Variants in TBC1D12 observed in about 807,000 individuals in gnomAD.
TBC1D12 encodes the protein TBC1 domain family, member 12.
TBC1D12 carries 56 observed loss-of-function variants against 86.7 expected under a neutral mutation model. That is an observed-to-expected ratio of 0.65 (90% CI 0.52 to 0.81). The LOEUF (loss-of-function observed/expected upper bound fraction) is 0.81, where lower values mean the gene tolerates loss of function less well. Ranked by LOEUF, TBC1D12 falls within the 30% of genes least tolerant of loss-of-function variation. The pLI is 0.00. For missense variants in TBC1D12, 1,023 were observed against 1,038.8 expected, an observed-to-expected ratio of 0.98 and a Z score of 0.21; for synonymous variants, 421 against 411.7, an observed-to-expected ratio of 1.02 and a Z score of -0.27.
chr10:94,431,072 A>ACCATT (rs1025756195), intron 1 of TBC1D12, among the ~76,000 whole-genome samples: 2 of 152,126 alleles, frequency 1.3e-5, no homozygotes, highest in African/African-American at 2.4e-5. Context: ...GATTAACACT[A>ACCATT]CCATTCCCTG....
At chr10:94,516,202 A>G (rs975683435) in intron 9 of TBC1D12, among the ~76,000 whole-genome samples, 1 of 152,158 alleles carries the variant, frequency 6.6e-6, no homozygotes, top group African/African-American at 2.4e-5. Flanking sequence ...TAGTAATCTC[A>G]TTATACTTCT....
intron 1 of TBC1D12, among the ~76,000 whole-genome samples, chr10:94,429,741 C>CT (rs375987756): frequency 6.2e-4 from 92 of 148,318 alleles, no homozygotes; most frequent in Admixed American, 1.5e-3. Flanking sequence ...ATCCCCTCCA[C>CT]TTTTTTTTTT....
intron 3 of TBC1D12, among the ~76,000 whole-genome samples, chr10:94,489,809 ACACACATGTTTGCCTTGG>A (rs1482265108): frequency 1.3e-5 from 2 of 152,188 alleles, no homozygotes; most frequent in Non-Finnish European, 2.9e-5. Context: ...GAGCAGTAAG[ACACACATGTTTGCCTTGG>A]CACACAAATT....
intron 9 of TBC1D12, among the ~76,000 whole-genome samples, chr10:94,520,223 G>A (rs558068444): frequency 6.6e-6 from 1 of 152,310 alleles, no homozygotes; most frequent in African/African-American, 2.4e-5. Flanking sequence ...TATGGTAATG[G>A]AGTGGGAATA....
chr10:94,494,118 G>T (rs1336065999), intron 4 of TBC1D12, among the ~76,000 whole-genome samples: 1 of 151,904 alleles, frequency 6.6e-6, no homozygotes, highest in East Asian at 1.9e-4. Flanking sequence ...CATTTGGTTA[G>T]GTGCATAAAA....
intron 2 of TBC1D12, among the ~76,000 whole-genome samples, chr10:94,450,490 C>G (rs538524273): frequency 8.7e-4 from 132 of 151,982 alleles, no homozygotes; most frequent in African/African-American, 2.5e-3. Flanking sequence ...ATCAAAGATA[C>G]AGGGTAGATG....
At chr10:94,505,833 G>A (rs2056452777) in intron 6 of TBC1D12, among the ~76,000 whole-genome samples, 1 of 152,034 alleles carries the variant, frequency 6.6e-6, no homozygotes, top group Non-Finnish European at 1.5e-5. Context: ...CTACTAACGT[G>A]GAACAACCTC....
At chr10:94,408,119 G>T (rs1221512663) in intron 1 of TBC1D12, among the ~76,000 whole-genome samples, 1 of 152,170 alleles carries the variant, frequency 6.6e-6, no homozygotes, top group African/African-American at 2.4e-5. Context: ...AGCTTGTTAG[G>T]ATTGCATTGG....
At chr10:94,484,881 A>G (rs927206150) in intron 3 of TBC1D12, among the ~76,000 whole-genome samples, 4 of 152,128 alleles carry the variant, frequency 2.6e-5, no homozygotes, top group African/African-American at 7.2e-5. Flanking sequence ...AAATGGGATT[A>G]CTTTTTTATT....
intron 1 of TBC1D12, among the ~76,000 whole-genome samples, chr10:94,421,848 A>C (rs2055078152): frequency 6.6e-6 from 1 of 152,132 alleles, no homozygotes; most frequent in South Asian, 2.1e-4. Flanking sequence ...TGTTTATTCA[A>C]ATCCTTTGCC....
chr10:94,439,471 G>C (rs1433911833), intron 1 of TBC1D12, among the ~76,000 whole-genome samples: 1 of 152,184 alleles, frequency 6.6e-6, no homozygotes, highest in Admixed American at 6.5e-5. Flanking sequence ...CTTTGGTGGA[G>C]TCAATTTTTT....
intron 2 of TBC1D12, among the ~76,000 whole-genome samples, chr10:94,454,625 C>T (rs1223222500): frequency 1.3e-5 from 2 of 152,182 alleles, no homozygotes; most frequent in Non-Finnish European, 2.9e-5. Context: ...TTTTGTTACA[C>T]TTATACCTAA....
intron 4 of TBC1D12, among the ~76,000 whole-genome samples, chr10:94,494,699 A>G (rs1011414271): frequency 3.3e-5 from 5 of 151,912 alleles, no homozygotes; most frequent in African/African-American, 1.2e-4. Flanking sequence ...GTGCACCACC[A>G]CGCCCAGTTA....
chr10:94,408,253 T>C (rs1267566967), intron 1 of TBC1D12, among the ~76,000 whole-genome samples: 1 of 152,124 alleles, frequency 6.6e-6, no homozygotes, highest in Non-Finnish European at 1.5e-5. Flanking sequence ...GAAGGAATAA[T>C]TGGAGATTTT....
intron 1 of TBC1D12, among the ~76,000 whole-genome samples, chr10:94,428,891 G>A (rs2055180482): frequency 1.3e-5 from 2 of 151,906 alleles, no homozygotes; most frequent in African/African-American, 4.8e-5. Context: ...TTTTTGTAGA[G>A]ACGGGGTTTC....
At chr10:94,492,421 CT>C (rs1051483568) in intron 3 of TBC1D12, among the ~76,000 whole-genome samples, 1 of 152,174 alleles carries the variant, frequency 6.6e-6, no homozygotes, top group Admixed American at 6.5e-5. Flanking sequence ...TAACCCAAGA[CT>C]TTTGTTTAAC....
chr10:94,473,292 G>A (rs369942858), intron 2 of TBC1D12, among the ~76,000 whole-genome samples: 2 of 151,348 alleles, frequency 1.3e-5, no homozygotes, highest in African/African-American at 2.4e-5. Flanking sequence ...CCCGGGAGGC[G>A]GAGGTTGCAG....
chr10:94,487,406 C>G (rs1224590412), intron 3 of TBC1D12, among the ~76,000 whole-genome samples: 1 of 150,350 alleles, frequency 6.7e-6, no homozygotes, highest in Non-Finnish European at 1.5e-5. Flanking sequence ...TCCTTCCAGT[C>G]TTTCTTTTAG....
chr10:94,405,311 A>AT (rs1272590264), intron 1 of TBC1D12, among the ~76,000 whole-genome samples: 11 of 152,024 alleles, frequency 7.2e-5, no homozygotes, highest in African/African-American at 2.4e-4. Context: ...TAAAGGCACA[A>AT]TTTTCTGATT....
Sources: allele counts gnomAD v4.1 joint callset (sites outside exome capture counted in the v4.1 genomes callset), GRCh38; gene constraint gnomAD v4.1.1; transcripts MANE v1.5; gene names NCBI Gene and HGNC (gene_info 2026-07-23, HGNC 2026-07-21).